Variants in KCNMB2 observed in about 807,000 individuals in gnomAD.
KCNMB2 encodes calcium-activated potassium channel subunit beta-2.
In KCNMB2, 9 loss-of-function variants were observed where a neutral mutation model predicts 24.5. The ratio of observed to expected loss-of-function variants is 0.37; its 90% CI spans 0.22 to 0.64. The LOEUF is 0.64. Ranked by LOEUF, KCNMB2 falls within the 30% of genes least tolerant of loss-of-function variation. The pLI is 0.63. For synonymous variants in KCNMB2, 109 were observed against 104.4 expected, an observed-to-expected ratio of 1.04 and a Z score of -0.27; for missense variants, 226 against 284.3, an observed-to-expected ratio of 0.79 and a Z score of 1.47.
At chr3:178,709,717 G>A (rs1577115544) in intron 1 of KCNMB2, among the ~76,000 whole-genome samples, 1 of 152,162 alleles carries the variant, frequency 6.6e-6, no homozygotes, top group Non-Finnish European at 1.5e-5. Context: ...TTTAGTGGAA[G>A]TTGAGAATTT....
At chr3:178,657,401 G>A (rs2108567175) in intron 1 of KCNMB2, among the ~76,000 whole-genome samples, 1 of 152,266 alleles carries the variant, frequency 6.6e-6, no homozygotes, top group African/African-American at 2.4e-5. Context: ...ACTGACCTGG[G>A]AACAAACTCC....
intron 1 of KCNMB2, among the ~76,000 whole-genome samples, chr3:178,725,203 A>G (rs1722928727): frequency 1.3e-5 from 2 of 152,000 alleles, no homozygotes; most frequent in Non-Finnish European, 2.9e-5. Context: ...GCAATGTTTT[A>G]TAGTTCTCCT....
chr3:178,668,651 C>A (rs1404294234), intron 1 of KCNMB2, among the ~76,000 whole-genome samples: 1 of 152,104 alleles, frequency 6.6e-6, no homozygotes, highest in East Asian at 1.9e-4. Flanking sequence ...AATAGTATTG[C>A]TACAGTGTGT....
chr3:178,828,078 G>A, intron 3 of KCNMB2, 100 bp from the exon 4 acceptor site: 1 of 934,866 alleles, frequency 1.1e-6, no homozygotes, highest in Non-Finnish European at 1.6e-6. Context: ...ATTTAGAAAA[G>A]ATTTTTCAGC....
chr3:178,644,643 C>T (rs146536995), intron 1 of KCNMB2, among the ~76,000 whole-genome samples: 1,817 of 152,300 alleles, frequency 0.012, 21 homozygotes, highest in South Asian at 0.037. Context: ...ATGTGTGCAT[C>T]GTCAGCTTCT....
At chr3:178,760,365 TCCA>T (rs1711783585) in intron 1 of KCNMB2, among the ~76,000 whole-genome samples, 2 of 109,492 alleles carry the variant, frequency 1.8e-5, no homozygotes, top group Admixed American at 9.9e-5. Context: ...TATATCCATA[TCCA>T]AGATATATAT....
chr3:178,741,760 G>A (rs1265053741), intron 1 of KCNMB2, among the ~76,000 whole-genome samples: 2 of 152,100 alleles, frequency 1.3e-5, no homozygotes, highest in Non-Finnish European at 2.9e-5. Flanking sequence ...TGTGTAGTCT[G>A]GTCAACAACA....
In KCNMB2 at chr3:178,843,115, A is replaced by G; in HGVS notation, c.*178A>G. ...TGCAAACATGATGTCTTTATTATTC[A>G]GGAGAATAAATAACTGTTTTGTGTT... On this transcript the variant is annotated 3_prime_UTR_variant, in exon 5 of 5. Coordinates refer to ENST00000452583, the MANE Select transcript of KCNMB2 (RefSeq NM_181361.3). The G allele has an allele frequency of 1.5e-6, 1 of 678,110 alleles. No individual in the cohort carries two copies. Among genetic ancestry groups the G allele is most frequent in the Non-Finnish European group, 2.7e-6 (1 of 373,190 alleles). The allele number at this position is 678,110 out of a possible 1,614,324, so 42.0% of individuals were successfully genotyped here.
chr3:178,661,517 C>T (rs775146047), intron 1 of KCNMB2, among the ~76,000 whole-genome samples: 11 of 152,140 alleles, frequency 7.2e-5, no homozygotes, highest in African/African-American at 9.7e-5. Flanking sequence ...TCACTCTACT[C>T]TGCCACTGTA....
chr3:178,783,926 G>A (rs1406180851), intron 1 of KCNMB2, among the ~76,000 whole-genome samples: 1 of 152,110 alleles, frequency 6.6e-6, no homozygotes, highest in African/African-American at 2.4e-5. Flanking sequence ...ATTGGCTGTG[G>A]GTTTGTCGTA....
At chr3:178,563,111 T>C (rs1431689381) in intron 1 of KCNMB2, among the ~76,000 whole-genome samples, 4 of 152,222 alleles carry the variant, frequency 2.6e-5, no homozygotes, top group African/African-American at 9.6e-5. Flanking sequence ...ACTGGGATCC[T>C]TTAATTTGAA....
chr3:178,651,232 C>T (rs569240446), intron 1 of KCNMB2, among the ~76,000 whole-genome samples: 1 of 152,260 alleles, frequency 6.6e-6, no homozygotes, highest in Non-Finnish European at 1.5e-5. Flanking sequence ...AAATCAACGT[C>T]TCAGGATACA....
intron 1 of KCNMB2, among the ~76,000 whole-genome samples, chr3:178,803,240 T>G (rs899491491): frequency 3.9e-5 from 6 of 152,230 alleles, no homozygotes; most frequent in African/African-American, 1.4e-4. Context: ...CCCCATCTGC[T>G]GCTCTCACTT....
intron 1 of KCNMB2, among the ~76,000 whole-genome samples, chr3:178,549,303 T>G (rs914711480): frequency 6.7e-6 from 1 of 150,148 alleles, no homozygotes; most frequent in Non-Finnish European, 1.5e-5. Context: ...CTTTTTCTTT[T>G]ATTTTCTTTT....
intron 1 of KCNMB2, among the ~76,000 whole-genome samples, chr3:178,707,369 C>T (rs1462816146): frequency 6.6e-6 from 1 of 152,068 alleles, no homozygotes; most frequent in Non-Finnish European, 1.5e-5. Context: ...ATCTGCATGC[C>T]AGCACTACTA....
At chr3:178,613,234 C>T (rs1039777569) in intron 1 of KCNMB2, among the ~76,000 whole-genome samples, 6 of 152,144 alleles carry the variant, frequency 3.9e-5, no homozygotes, top group African/African-American at 1.4e-4. Context: ...CCCATCTCTA[C>T]TAAAAATACA....
intron 2 of KCNMB2, among the ~76,000 whole-genome samples, chr3:178,822,736 C>G (rs1258785711): frequency 2.0e-5 from 3 of 152,220 alleles, no homozygotes; most frequent in Non-Finnish European, 4.4e-5. Context: ...CATTCCAGAG[C>G]ATATCAAAAA....
chr3:178,557,151 T>G (rs537985300), intron 1 of KCNMB2, among the ~76,000 whole-genome samples: 1 of 152,210 alleles, frequency 6.6e-6, no homozygotes, highest in African/African-American at 2.4e-5. Context: ...AGGACCCTTA[T>G]TATAATACTA....
chr3:178,604,708 A>C (rs759114410), intron 1 of KCNMB2, among the ~76,000 whole-genome samples: 1 of 152,232 alleles, frequency 6.6e-6, no homozygotes, highest in South Asian at 2.1e-4. Context: ...CAAATCATTC[A>C]TCTGATTTAT....
Sources: gnomAD v4.1 joint callset for allele counts (sites outside exome capture counted in the v4.1 genomes callset) on GRCh38, gnomAD v4.1.1 for gene constraint, MANE v1.5 for transcripts, NCBI Gene and HGNC (gene_info 2026-07-23, HGNC 2026-07-21) for gene names.